SEMA3E: variants seen among roughly 807,000 people sequenced by gnomAD.
SEMA3E encodes the protein semaphorin 3E.
In SEMA3E, 49 loss-of-function variants were observed where a neutral mutation model predicts 93.6. The ratio of observed to expected loss-of-function variants is 0.52; its 90% CI spans 0.42 to 0.66. The LOEUF (loss-of-function observed/expected upper bound fraction) is 0.66. SEMA3E is among the 30% of genes least tolerant of loss of function. The pLI is 0.00. For missense variants in SEMA3E, 906 were observed against 964.8 expected (o/e 0.94, Z 0.81); for synonymous variants, 363 against 330.7 (o/e 1.10, Z -1.06).
At chr7:83,386,001 A>G (rs1787872101) in intron 15 of SEMA3E, among the ~76,000 whole-genome samples, 1 of 152,118 alleles carries the variant, frequency 6.6e-6, no homozygotes, top group South Asian at 2.1e-4. Context: ...CTTGAACTCA[A>G]ATTTGCACAC....
At chr7:83,550,313 C>A (rs2115797917) in intron 1 of SEMA3E, among the ~76,000 whole-genome samples, 1 of 152,138 alleles carries the variant, frequency 6.6e-6, no homozygotes, top group South Asian at 2.1e-4. Flanking sequence ...TTATTCTATC[C>A]ATTTCCAGTA....
intron 10 of SEMA3E, among the ~76,000 whole-genome samples, 163 bp downstream of exon 10, chr7:83,402,469 G>T (rs1292313029): frequency 6.6e-6 from 1 of 151,842 alleles, no homozygotes; most frequent in Non-Finnish European, 1.5e-5. Context: ...TAAAACTTGA[G>T]ATTTGAAGGA....
At chr7:83,584,630 C>G (rs114523816) in intron 1 of SEMA3E, among the ~76,000 whole-genome samples, 1 of 152,100 alleles carries the variant, frequency 6.6e-6, no homozygotes, top group Non-Finnish European at 1.5e-5. Flanking sequence ...AGCTGCTCTA[C>G]GCCTTCCCCA....
chr7:83,575,609 G>C (rs1315694505), intron 1 of SEMA3E, among the ~76,000 whole-genome samples: 2 of 151,978 alleles, frequency 1.3e-5, no homozygotes, highest in Non-Finnish European at 2.9e-5. Flanking sequence ...GTCAGCCCCG[G>C]GCCTCATAAT....
intron 16 of SEMA3E, among the ~76,000 whole-genome samples, chr7:83,381,464 A>G (rs1167341863): frequency 6.6e-6 from 1 of 151,916 alleles, no homozygotes; most frequent in Non-Finnish European, 1.5e-5. Flanking sequence ...TGTCACTTTT[A>G]TGGTGACCTT....
intron 5 of SEMA3E, among the ~76,000 whole-genome samples, chr7:83,412,545 A>G (rs944458586): frequency 2.6e-5 from 4 of 151,998 alleles, no homozygotes; most frequent in Admixed American, 6.6e-5. Context: ...CAGATGTTCA[A>G]GATCAGCCTG....
chr7:83,525,029 A>T (rs1021005384), intron 1 of SEMA3E, among the ~76,000 whole-genome samples: 8 of 152,036 alleles, frequency 5.3e-5, no homozygotes, highest in Non-Finnish European at 8.8e-5. Context: ...GAAGTACATC[A>T]TCTAAGAGTT....
At chr7:83,504,435 T>G (rs1159897164) in intron 1 of SEMA3E, among the ~76,000 whole-genome samples, 1 of 152,158 alleles carries the variant, frequency 6.6e-6, no homozygotes, top group Non-Finnish European at 1.5e-5. Context: ...CACCAAAATC[T>G]TATTTGCTGT....
intron 1 of SEMA3E, among the ~76,000 whole-genome samples, chr7:83,565,149 G>T (rs1374643266): frequency 6.6e-6 from 1 of 152,030 alleles, no homozygotes; most frequent in African/African-American, 2.4e-5. Context: ...AAACCAAGAA[G>T]AAGTTGAAGA....
At chr7:83,629,828 C>G (rs1164211141) in intron 1 of SEMA3E, among the ~76,000 whole-genome samples, 2 of 152,126 alleles carry the variant, frequency 1.3e-5, no homozygotes, top group African/African-American at 4.8e-5. Flanking sequence ...CCAGGCACCA[C>G]TGGGGTATGA....
chr7:83,645,591 T>C (rs1472849090), intron 1 of SEMA3E, among the ~76,000 whole-genome samples: 1 of 152,220 alleles, frequency 6.6e-6, no homozygotes, highest in South Asian at 2.1e-4. Context: ...ATTTTCTTAA[T>C]ATTAGTGTGC....
intron 1 of SEMA3E, among the ~76,000 whole-genome samples, chr7:83,586,195 C>A (rs73380756): frequency 0.018 from 2,741 of 152,204 alleles, 80 homozygotes; most frequent in African/African-American, 0.063. Context: ...AAAGGAGGCA[C>A]AGACTGAATT....
intron 4 of SEMA3E, among the ~76,000 whole-genome samples, chr7:83,439,110 A>C (rs2713170): frequency 3.3e-5 from 5 of 151,972 alleles, no homozygotes; most frequent in African/African-American, 9.7e-5. Context: ...GTATGCAGAT[A>C]GGCTTTGGAA....
At chr7:83,602,379 C>T (rs1793014058) in intron 1 of SEMA3E, among the ~76,000 whole-genome samples, 1 of 152,136 alleles carries the variant, frequency 6.6e-6, no homozygotes, top group East Asian at 1.9e-4. Flanking sequence ...GATACTCTAC[C>T]TGAAATTTTC....
chr7:83,504,231 T>C (rs1013124879), intron 1 of SEMA3E, among the ~76,000 whole-genome samples: 1 of 152,130 alleles, frequency 6.6e-6, no homozygotes, highest in African/African-American at 2.4e-5. Flanking sequence ...GAATAATAAC[T>C]GAATTTCAAA....
chr7:83,440,046 T>C (rs1182627772), intron 4 of SEMA3E, among the ~76,000 whole-genome samples: 2 of 152,216 alleles, frequency 1.3e-5, no homozygotes, highest in African/African-American at 4.8e-5. Context: ...TGCAAACAAT[T>C]TCTGCAGAGC....
intron 1 of SEMA3E, among the ~76,000 whole-genome samples, chr7:83,503,524 A>G (rs773939361): frequency 7.2e-5 from 11 of 152,274 alleles, no homozygotes; most frequent in Non-Finnish European, 1.0e-4. Context: ...TTGTCATTTA[A>G]TGATGGGAAT....
chr7:83,399,980 A>G, intron 11 of SEMA3E, 48 bp downstream of exon 11: 1 of 1,387,102 alleles, frequency 7.2e-7, no homozygotes, highest in Non-Finnish European at 1.0e-6. Context: ...AAATTATTGA[A>G]TTTAAGGGTC....
At chr7:83,503,108 A>G (rs536235691) in intron 1 of SEMA3E, among the ~76,000 whole-genome samples, 1 of 151,934 alleles carries the variant, frequency 6.6e-6, no homozygotes, top group South Asian at 2.1e-4. Flanking sequence ...CGTTCTGTCA[A>G]GTGGGCATAG....
Sources: allele counts gnomAD v4.1 joint callset (sites outside exome capture counted in the v4.1 genomes callset), GRCh38; gene constraint gnomAD v4.1.1; transcripts MANE v1.5; gene names NCBI Gene and HGNC (gene_info 2026-07-23, HGNC 2026-07-21).